Variants in TASP1 observed in about 807,000 individuals in gnomAD.
TASP1 encodes the protein taspase 1, also known as threonine aspartase 1.
Under a neutral mutation model 56.6 loss-of-function variants are expected in TASP1, and 16 were observed. The ratio of observed to expected loss-of-function variants is 0.28; its 90% CI spans 0.19 to 0.43. The LOEUF (loss-of-function observed/expected upper bound fraction) is 0.43. Among genes scored for constraint, TASP1 ranks in the 20% least tolerant of loss-of-function variants. TASP1 has a pLI of 1.00. For synonymous variants in TASP1, 179 were observed against 184.2 expected, an observed-to-expected ratio of 0.97 and a Z score of 0.23; for missense variants, 393 against 511.6, an observed-to-expected ratio of 0.77 and a Z score of 2.24.
At chr20:13,592,660 C>T (rs2047576760) in intron 4 of TASP1, among the ~76,000 whole-genome samples, 1 of 152,080 alleles carries the variant, frequency 6.6e-6, no homozygotes, top group African/African-American at 2.4e-5. Context: ...AAAGAACTAA[C>T]TTAACTATTG....
chr20:13,346,394 A>G, the TASP1 span, among the ~76,000 whole-genome samples: 3 of 152,226 alleles, frequency 2.0e-5, no homozygotes, highest in African/African-American at 4.8e-5. Context: ...ACTAATCCCC[A>G]TGACTTGAAA....
chr20:13,627,606 C>T lies in TASP1; in HGVS notation c.145+2328G>A, dbSNP rs565836831. ...TTTCTACTAAACATACAAAAATTAG[C>T]CGGGCATGGTGGCACGTGCCTGTAA... is the stretch of plus-strand genomic sequence containing the variant. On this transcript the variant is annotated intron_variant, in intron 2 of 13. Transcript: ENST00000337743. Among the ~76,000 whole-genome samples, 51 of 152,086 alleles carry T rather than the reference C, an allele frequency of 3.4e-4. No homozygotes were observed. The East Asian group carries it at 6.8e-3, about 20-fold the overall frequency.
chr20:13,421,087 A>C (rs2042416000), intron 12 of TASP1, among the ~76,000 whole-genome samples: 2 of 151,498 alleles, frequency 1.3e-5, no homozygotes, highest in Admixed American at 6.6e-5. Flanking sequence ...CTAGTTAAAA[A>C]GTATTTATAG....
At chr20:13,375,224 C>A in the TASP1 span, among the ~76,000 whole-genome samples, 8 of 151,818 alleles carry the variant, frequency 5.3e-5, no homozygotes. Context: ...CTAATGCTAT[C>A]CCTCCCCGAG....
the TASP1 span, among the ~76,000 whole-genome samples, chr20:13,226,099 C>A: frequency 1.3e-5 from 2 of 152,130 alleles, no homozygotes; most frequent in African/African-American, 4.8e-5. Flanking sequence ...TTATAAAACA[C>A]CAATTTGATT....
chr20:13,581,070 A>T, intron 5 of TASP1, 89 bp from the exon 6 acceptor site: 1 of 1,159,350 alleles, frequency 8.6e-7, no homozygotes. Context: ...CAATAAAACA[A>T]CTTGAATATA....
intron 8 of TASP1, among the ~76,000 whole-genome samples, chr20:13,554,546 C>T (rs115797829): frequency 0.01 from 1,584 of 151,770 alleles, 33 homozygotes; most frequent in African/African-American, 0.036. Flanking sequence ...TAAAAAAATC[C>T]CAAATTTATC....
the TASP1 span, among the ~76,000 whole-genome samples, chr20:13,261,925 T>G: frequency 6.6e-6 from 1 of 152,212 alleles, no homozygotes; most frequent in Non-Finnish European, 1.5e-5. Context: ...CTGGGCCTTA[T>G]ATCCCCTCAT....
At chr20:13,526,083 C>G (rs897786808) in intron 10 of TASP1, among the ~76,000 whole-genome samples, 2 of 152,168 alleles carry the variant, frequency 1.3e-5, no homozygotes, top group African/African-American at 2.4e-5. Flanking sequence ...TTGCATTCTA[C>G]TTAATAGAAT....
rs114258166 is a variant in TASP1, at chr20:13,459,584, A to G, written c.985+23643T>C. On this transcript the variant is annotated intron_variant, in intron 11 of 13. Coordinates refer to ENST00000337743, the MANE Select transcript of TASP1 (RefSeq NM_017714.3). Reference sequence around the variant, plus strand: ...TTTAAATTCATGGTCACTATCTTCAATTTGGACCCTTAATGCTGCCTGGCA... The same window carrying G: ...TTTAAATTCATGGTCACTATCTTCAGTTTGGACCCTTAATGCTGCCTGGCA... 1.4e-3 allele frequency among the ~76,000 whole-genome samples: 207 copies of G among 152,250 alleles called. 1 individual carries two copies. Among genetic ancestry groups the G allele is most frequent in the African/African-American group, 4.7e-3 (196 of 41,558 alleles).
At chr20:13,314,808 T>C in the TASP1 span, among the ~76,000 whole-genome samples, 1 of 152,136 alleles carries the variant, frequency 6.6e-6, no homozygotes, top group Non-Finnish European at 1.5e-5. Context: ...TATTCAATTA[T>C]GCACATATCT....
chr20:13,137,415 A>G, the TASP1 span, among the ~76,000 whole-genome samples: 6 of 152,138 alleles, frequency 3.9e-5, no homozygotes, highest in African/African-American at 7.2e-5. Flanking sequence ...AAGGCTCTCC[A>G]TTCTTGAACT....
chr20:13,539,368 T>G (rs548535491), intron 8 of TASP1, among the ~76,000 whole-genome samples: 11 of 151,922 alleles, frequency 7.2e-5, no homozygotes, highest in African/African-American at 2.4e-4. Flanking sequence ...GTGGTCAACA[T>G]AGCAGACCCT....
chr20:13,515,044 C>T (rs2044470826), intron 10 of TASP1, among the ~76,000 whole-genome samples: 2 of 152,136 alleles, frequency 1.3e-5, no homozygotes, highest in South Asian at 4.1e-4. Flanking sequence ...ACATTTGATT[C>T]AGCACTATGC....
At chr20:13,171,794 G>A in the TASP1 span, among the ~76,000 whole-genome samples, 1 of 151,894 alleles carries the variant, frequency 6.6e-6, no homozygotes, top group African/African-American at 2.4e-5. Context: ...TAGCCAAGGA[G>A]AAAAAAATGA....
chr20:13,254,162 G>C, the TASP1 span, among the ~76,000 whole-genome samples: 16 of 151,948 alleles, frequency 1.1e-4, no homozygotes, highest in Non-Finnish European at 2.2e-4. Flanking sequence ...GAGCCCAGGA[G>C]GGGGAGGTTG....
chr20:13,252,227 C>T, the TASP1 span, among the ~76,000 whole-genome samples: 1 of 152,290 alleles, frequency 6.6e-6, no homozygotes, highest in Non-Finnish European at 1.5e-5. Context: ...TGAATGAATG[C>T]AGCTCAGGAA....
intron 11 of TASP1, among the ~76,000 whole-genome samples, chr20:13,460,977 G>A (rs1223762486): frequency 1.3e-5 from 2 of 152,124 alleles, no homozygotes; most frequent in Admixed American, 1.3e-4. Context: ...ATCTTATGAT[G>A]GCTTGCAAGG....
chr20:13,591,978 G>GA (rs1237270305), intron 4 of TASP1, among the ~76,000 whole-genome samples: 10 of 151,852 alleles, frequency 6.6e-5, no homozygotes, highest in Non-Finnish European at 1.2e-4. Flanking sequence ...CAAAAGTGGA[G>GA]AAAAAAATGG....
Sources: allele counts gnomAD v4.1 joint callset (sites outside exome capture counted in the v4.1 genomes callset), GRCh38; gene constraint gnomAD v4.1.1; transcripts MANE v1.5; gene names NCBI Gene and HGNC (gene_info 2026-07-23, HGNC 2026-07-21).